Variants in FRMD4B observed in about 807,000 individuals in gnomAD.
FRMD4B encodes the protein FERM domain-containing protein 4B.
Under a neutral mutation model 141.5 loss-of-function variants are expected in FRMD4B, and 74 were observed. The ratio of observed to expected loss-of-function variants is 0.52; its 90% CI spans 0.43 to 0.63. FRMD4B has a LOEUF of 0.63. Ranked by LOEUF, FRMD4B falls within the 30% of genes least tolerant of loss-of-function variation. FRMD4B has a pLI of 0.00. For missense variants in FRMD4B, 1,366 were observed against 1,253.4 expected, an observed-to-expected ratio of 1.09 and a Z score of -1.36; for synonymous variants, 506 against 467.9, an observed-to-expected ratio of 1.08 and a Z score of -1.05.
intron 5 of FRMD4B, among the ~76,000 whole-genome samples, chr3:69,274,723 TGGCCA>T (rs2093610304): frequency 6.6e-6 from 1 of 152,150 alleles, no homozygotes; most frequent in Non-Finnish European, 1.5e-5. Context: ...TTTACCATGT[TGGCCA>T]GGCTGGTCTC....
At chr3:69,538,451 T>G (rs959722139) in intron 1 of FRMD4B, among the ~76,000 whole-genome samples, 2 of 152,190 alleles carry the variant, frequency 1.3e-5, no homozygotes, top group African/African-American at 2.4e-5. Context: ...GAATCACATT[T>G]TATACTGCAA....
chr3:69,276,791 C>A (rs2093619858), intron 5 of FRMD4B, among the ~76,000 whole-genome samples: 1 of 152,086 alleles, frequency 6.6e-6, no homozygotes, highest in South Asian at 2.1e-4. Flanking sequence ...ATGGTGAAAC[C>A]CCATCTCTAC....
chr3:69,342,463 A>G (rs1198531999), intron 1 of FRMD4B, among the ~76,000 whole-genome samples: 3 of 152,214 alleles, frequency 2.0e-5, no homozygotes, highest in Non-Finnish European at 4.4e-5. Context: ...CCCTGAAAAA[A>G]GATTACCCAT....
At chr3:69,381,198 CTTAA>C (rs1704110692) in intron 1 of FRMD4B, among the ~76,000 whole-genome samples, 1 of 152,228 alleles carries the variant, frequency 6.6e-6, no homozygotes, top group Non-Finnish European at 1.5e-5. Flanking sequence ...TAGCTAGTAT[CTTAA>C]TTATTCATGG....
chr3:69,312,687 T>C (rs1701639767), intron 2 of FRMD4B, among the ~76,000 whole-genome samples: 1 of 152,168 alleles, frequency 6.6e-6, no homozygotes, highest in Non-Finnish European at 1.5e-5. Flanking sequence ...TCACTTGAGG[T>C]CAGGAGTTCG....
intron 1 of FRMD4B, among the ~76,000 whole-genome samples, chr3:69,538,903 A>G (rs144399913): frequency 1.8e-3 from 275 of 152,350 alleles, no homozygotes; most frequent in African/African-American, 6.4e-3. Context: ...TAACAACTAC[A>G]TTGAAAAAGG....
intron 11 of FRMD4B, among the ~76,000 whole-genome samples, chr3:69,215,147 T>A (rs1415112058): frequency 6.6e-6 from 1 of 151,890 alleles, no homozygotes; most frequent in East Asian, 1.9e-4. Context: ...CCCAAAGTGC[T>A]GGGATTACAG....
At chr3:69,280,678 T>A (rs1214424351) in intron 5 of FRMD4B, among the ~76,000 whole-genome samples, 1 of 152,192 alleles carries the variant, frequency 6.6e-6, no homozygotes, top group African/African-American at 2.4e-5. Flanking sequence ...TCATTGAGCA[T>A]GTCCATGACA....
chr3:69,465,039 A>T (rs1270909399), intron 1 of FRMD4B, among the ~76,000 whole-genome samples: 1 of 152,176 alleles, frequency 6.6e-6, no homozygotes, highest in African/African-American at 2.4e-5. Context: ...AACAATCTTC[A>T]TCCAGGCGTG....
intron 5 of FRMD4B, among the ~76,000 whole-genome samples, chr3:69,266,225 A>G (rs1403641451): frequency 2.0e-5 from 3 of 152,018 alleles, no homozygotes; most frequent in Admixed American, 1.3e-4. Flanking sequence ...AAAAGCTCAA[A>G]AGTGGTGAGG....
chr3:69,525,954 C>T (rs996014077), intron 1 of FRMD4B, among the ~76,000 whole-genome samples: 2 of 152,058 alleles, frequency 1.3e-5, no homozygotes, highest in East Asian at 3.9e-4. Flanking sequence ...CCACCATGCT[C>T]GGCCTGTTTC....
intron 7 of FRMD4B, among the ~76,000 whole-genome samples, chr3:69,225,239 T>G (rs1282254933): frequency 1.3e-5 from 2 of 152,186 alleles, no homozygotes; most frequent in Non-Finnish European, 2.9e-5. Context: ...CTGGAAAACG[T>G]GTTTCTAATG....
At chr3:69,369,078 C>G (rs1435251285) in intron 1 of FRMD4B, among the ~76,000 whole-genome samples, 5 of 152,096 alleles carry the variant, frequency 3.3e-5, no homozygotes, top group Admixed American at 3.3e-4. Flanking sequence ...TGGAGTCTAA[C>G]CATATTATTT....
At chr3:69,477,673 G>C (rs1446260155) in intron 1 of FRMD4B, among the ~76,000 whole-genome samples, 5 of 151,862 alleles carry the variant, frequency 3.3e-5, no homozygotes, top group Non-Finnish European at 7.4e-5. Context: ...CTCTTTTTTG[G>C]TTATGTCTCT....
intron 1 of FRMD4B, among the ~76,000 whole-genome samples, chr3:69,315,704 G>A (rs572257629): frequency 4.4e-4 from 67 of 152,284 alleles, no homozygotes; most frequent in African/African-American, 9.9e-4. Flanking sequence ...GTGGATACAC[G>A]ATAATTGAAT....
At chr3:69,382,656 T>C (rs1704144076) in intron 1 of FRMD4B, among the ~76,000 whole-genome samples, 1 of 152,018 alleles carries the variant, frequency 6.6e-6, no homozygotes, top group Admixed American at 6.6e-5. Context: ...TCCCATACTC[T>C]GTGCCAATCA....
At chr3:69,241,438 T>G (rs1473273234) in intron 7 of FRMD4B, among the ~76,000 whole-genome samples, 2 of 152,322 alleles carry the variant, frequency 1.3e-5, no homozygotes, top group East Asian at 3.9e-4. Flanking sequence ...CCAAGTATTG[T>G]AGAGAGGAAA....
chr3:69,245,805 A>C (rs1169410754), intron 7 of FRMD4B, among the ~76,000 whole-genome samples: 2 of 147,348 alleles, frequency 1.4e-5, no homozygotes, highest in African/African-American at 5.0e-5. Context: ...CTGGGACTAC[A>C]GGCGTCTGCG....
At chr3:69,322,584 TTC>T (rs199672532) in intron 1 of FRMD4B, among the ~76,000 whole-genome samples, 7 of 144,406 alleles carry the variant, frequency 4.8e-5, no homozygotes, top group Middle Eastern at 3.5e-3. Context: ...GTTTAGATTT[TTC>T]TCTCTCTCTT....
Sources: allele counts gnomAD v4.1 joint callset (sites outside exome capture counted in the v4.1 genomes callset), GRCh38; gene constraint gnomAD v4.1.1; transcripts MANE v1.5; gene names NCBI Gene and HGNC (gene_info 2026-07-23, HGNC 2026-07-21).